VILL: variants seen among roughly 807,000 people sequenced by gnomAD.
VILL encodes the protein villin-like protein.
In VILL, 102 loss-of-function variants were observed where a neutral mutation model predicts 106.3. That is an observed-to-expected ratio of 0.96 (90% CI 0.82 to 1.13). The LOEUF is 1.13. Ranked by LOEUF, VILL falls within the 50% of genes most tolerant of loss-of-function variation. The pLI is 0.00. For synonymous variants in VILL, 431 were observed against 440.3 expected, an observed-to-expected ratio of 0.98 and a Z score of 0.27; for missense variants, 1,076 against 1,116.6, an observed-to-expected ratio of 0.96 and a Z score of 0.52.
intron 17 of VILL, 90 bp downstream of exon 17, chr3:38,006,064 G>T: frequency 6.3e-7 from 1 of 1,590,462 alleles, no homozygotes; most frequent in African/African-American, 1.3e-5. Flanking sequence ...CACTGCCCTG[G>T]CTGGGGATTG....
chr3:37,991,457 G>A (rs537905732), intron 1 of VILL, among the ~76,000 whole-genome samples: 5 of 151,456 alleles, frequency 3.3e-5, no homozygotes, highest in African/African-American at 1.2e-4. Context: ...TGCCTGGGGA[G>A]GAAAAATGGG....
chr3:38,003,435 G>T, intron 15 of VILL, 122 bp downstream of exon 15: 1 of 1,291,788 alleles, frequency 7.7e-7, no homozygotes. Flanking sequence ...AGGACTCTCA[G>T]TTTCCCACTC....
At chr3:37,988,119 G>A (rs1346587756), upstream of VILL, 1 of 152,326 alleles carries the variant, frequency 6.6e-6, no homozygotes, top group East Asian at 1.9e-4. Flanking sequence ...TGCAGTAAAG[G>A]AGCAGCTACG....
At chr3:38,000,975 A>G in intron 11 of VILL, 1 of 457,590 alleles carries the variant, frequency 2.2e-6, no homozygotes, top group Non-Finnish European at 4.4e-6. Context: ...TGCCACCCAC[A>G]GGAAGAAGAA....
intron 4 of VILL, among the ~76,000 whole-genome samples, chr3:37,995,200 T>G (rs1214129452): frequency 6.6e-6 from 1 of 152,264 alleles, no homozygotes; most frequent in Non-Finnish European, 1.5e-5. Context: ...CACAGGTGTT[T>G]TAAATTAACA....
At position 38,001,455 on chromosome 3, in the gene VILL, G is replaced by C; in HGVS notation, c.1183-1G>C. 1 of 1,613,984 alleles carries C rather than the reference G, an allele frequency of 6.2e-7. No individual in the cohort carries two copies. The highest frequency in any genetic ancestry group is 8.5e-7 in the Non-Finnish European group (1 of 1,179,890). ...GTGCCCATTGGTCCCTTATTCCCCA[G>C]GTGTGGTGCATCCAGGACTTACACA... On this transcript the variant is annotated splice_acceptor_variant, in intron 11 of 19. Coordinates refer to ENST00000383759, the MANE Select transcript of VILL (RefSeq NM_015873.4). LOFTEE classifies it high-confidence loss of function.
intron 15 of VILL, chr3:38,003,526 G>A (rs1699859493): frequency 6.6e-6 from 4 of 602,836 alleles, no homozygotes; most frequent in Non-Finnish European, 1.1e-5. Context: ...GGGAGAGTGG[G>A]GGCAGTGGCG....
Position 37,993,592 on chromosome 3 carries a change from C to A in VILL, c.-81C>A. 7.5e-7 allele frequency: 1 copy of A among 1,335,554 alleles called. No individual in the cohort carries two copies. Among genetic ancestry groups the A allele is most frequent in the South Asian group, 1.2e-5 (1 of 82,598 alleles). The allele number at this position is 1,335,554 out of a possible 1,614,324, so 82.7% of individuals were successfully genotyped here. ...AGTCATGTTCTATAATGAAGTTGTACAGGTAGCCAGGTGTCGGTCTCCAGC... is the reference window on the plus strand; with the variant it reads ...AGTCATGTTCTATAATGAAGTTGTAAAGGTAGCCAGGTGTCGGTCTCCAGC... On this transcript the variant is annotated 5_prime_UTR_variant, in exon 2 of 20. Coordinates refer to ENST00000383759, the MANE Select transcript of VILL (RefSeq NM_015873.4).
Position 37,997,678 on chromosome 3 carries a change from C to A in VILL, c.757C>A (p.Leu253Met). 7.3e-7 allele frequency: 1 copy of A among 1,362,798 alleles called. No individual in the cohort carries two copies. Among genetic ancestry groups the A allele is most frequent in the Non-Finnish European group, 9.8e-7 (1 of 1,015,900 alleles). The allele number at this position is 1,362,798 out of a possible 1,614,324, so 84.4% of individuals were successfully genotyped here. Residue 253 changes from leucine (L) to methionine (M), a missense_variant, in exon 7 of 20, where the codon CTG (leucine) becomes ATG (methionine). Leu to Met is a conservative substitution (Grantham distance 15, BLOSUM62 2). Coordinates refer to ENST00000383759, the MANE Select transcript of VILL (RefSeq NM_015873.4). The surrounding 1 kb of genome is among the most constrained non-coding windows in gnomAD (Gnocchi z 4.7). Reference sequence around the variant, plus strand: ...CCAGCTGCAGAAGGCCAATGTTCGCCTGTACCAGTGAGTACCCCTGGGGTG... The same window carrying A: ...CCAGCTGCAGAAGGCCAATGTTCGCATGTACCAGTGAGTACCCCTGGGGTG... ...INQLQKANVR[L>M]YHVYEKGKDL...
chr3:37,998,389 AG>A lies in VILL; in HGVS notation c.942+27del. 6.2e-7 allele frequency: 1 copy of A among 1,607,842 alleles called. No individual in the cohort carries two copies. The highest frequency in any genetic ancestry group is 8.5e-7 in the Non-Finnish European group (1 of 1,174,468). ...GGTGAGCCCTGGGGCTCTGTCTGAG[AG>A]GAACAGAGCACTGCCCTGGGGTCTG... On this transcript the variant is annotated intron_variant, in intron 9 of 19. Transcript: ENST00000383759. This position sits in a 1 kb window ranked among gnomAD's most constrained non-coding sequence, Gnocchi z 4.1.
At chr3:38,003,008 T>G in intron 14 of VILL, 160 bp from the exon 15 acceptor site, 1 of 906,904 alleles carries the variant, frequency 1.1e-6, no homozygotes, top group Non-Finnish European at 1.6e-6. Context: ...CACAGGCCTG[T>G]AGGGTGAGGA....
In VILL at chr3:38,002,376, G is replaced by A. The variant is rs1699833867; in HGVS notation, c.1480-20G>A. 1 of 1,583,016 alleles carries A rather than the reference G, an allele frequency of 6.3e-7. No individual in the cohort carries two copies. The highest frequency in any genetic ancestry group is 1.1e-5 in the South Asian group (1 of 87,870). On this transcript the variant is annotated intron_variant, in intron 13 of 19. Transcript: ENST00000383759. ...GCCCCTGGGAGCCCTTGCCCAGCCT[G>A]AGGCCTTGCTCTCCTATAGGAGAGA...
At chr3:37,999,153 G>T in intron 10 of VILL, 103 bp downstream of exon 10, 1 of 918,776 alleles carries the variant, frequency 1.1e-6, no homozygotes. Flanking sequence ...GGCGGGGCGG[G>T]GCCGGAGGGG....
At chr3:37,999,461 G>C (rs771991189) in intron 11 of VILL, 22 bp downstream of exon 11, 1 of 1,451,834 alleles carries the variant, frequency 6.9e-7, no homozygotes. Flanking sequence ...TGGGTTAGCT[G>C]GGGGAAGATG....
At position 38,006,481 on chromosome 3, in the gene VILL, G is replaced by A. The variant is rs766872245; in HGVS notation, c.2238G>A (p.Pro746=). 8.7e-6 allele frequency: 14 copies of A among 1,606,512 alleles called. No individual in the cohort carries two copies. In the East Asian group the frequency reaches 1.6e-4, roughly 18 times the overall value. The part of the protein sequence containing the change: ...EVNNLRLSRW[P]GNGRAGAVAL... ...ACAACTTGCGGCTATCCAGATGGCC[G>A]GGCAATGGCAGGGCAGGTGCCGTGG... Residue 746 remains proline (P), a synonymous_variant, in exon 19 of 20, where the codon CCG becomes CCA. Transcript: ENST00000383759.
chr3:38,002,719 G>A (rs901938481), intron 14 of VILL, 144 bp downstream of exon 14: 17 of 982,172 alleles, frequency 1.7e-5, no homozygotes, highest in Non-Finnish European at 1.9e-5. Flanking sequence ...AAGCCACAGG[G>A]TCCCCTCTAG....
In VILL at chr3:38,006,137, T is replaced by G. The variant is rs766372973; in HGVS notation, c.2134-44T>G. Reference sequence around the variant, plus strand: ...CCTCATGTGTCCCATTGGTGCCCCCTTCTCCTGCCCTGGCCCTGATACTTG... The same window carrying G: ...CCTCATGTGTCCCATTGGTGCCCCCGTCTCCTGCCCTGGCCCTGATACTTG... On this transcript the variant is annotated intron_variant, in intron 17 of 19. Transcript: ENST00000383759. The G allele has an allele frequency of 2.5e-6, 4 of 1,613,690 alleles. No homozygotes were observed. The South Asian group carries it at 4.4e-5, about 18-fold the overall frequency.
rs1699737560 is a variant in VILL at position 37,998,038 on chromosome 3, G to A, written c.765-52G>A. 7 of 1,535,160 alleles carry A rather than the reference G, an allele frequency of 4.6e-6. No individual in the cohort carries two copies. The highest frequency in any genetic ancestry group is 6.2e-6 in the Non-Finnish European group (7 of 1,130,864). On this transcript the variant is annotated intron_variant, in intron 7 of 19. Coordinates refer to ENST00000383759, the MANE Select transcript of VILL (RefSeq NM_015873.4). This position sits in a 1 kb window ranked among gnomAD's most constrained non-coding sequence, Gnocchi z 4.1. ...GGGTCCTAAATGGGGCTGGAGTGGA[G>A]ACAGATCAGGGAGGGGCTGGGCTGG...
intron 16 of VILL, 115 bp from the exon 17 acceptor site, chr3:38,005,677 C>A: frequency 1.7e-6 from 2 of 1,181,498 alleles, no homozygotes; most frequent in Non-Finnish European, 2.3e-6. Flanking sequence ...TCTGCTTGGC[C>A]AGGGATGTGT....
Sources: gnomAD v4.1 joint callset for allele counts (sites outside exome capture counted in the v4.1 genomes callset) on GRCh38, gnomAD v4.1.1 for gene constraint, Gnocchi (gnomAD v3.1) non-coding constraint, MANE v1.5 for transcripts, NCBI Gene and HGNC (gene_info 2026-07-23, HGNC 2026-07-21) for gene names.